Variants in TMTC1 observed in about 807,000 individuals in gnomAD.
TMTC1 encodes transmembrane O-mannosyltransferase targeting cadherins 1.
In TMTC1, 73 loss-of-function variants were observed where a neutral mutation model predicts 104.8. That is an observed-to-expected ratio of 0.70 (90% CI 0.58 to 0.85). The LOEUF (loss-of-function observed/expected upper bound fraction) is 0.85, where lower values mean the gene tolerates loss of function less well. TMTC1 is among the 40% of genes least tolerant of loss of function. The pLI, the probability that TMTC1 is intolerant of heterozygous loss-of-function variation, is 0.00. For missense variants in TMTC1, 1,035 were observed against 1,096.1 expected, an observed-to-expected ratio of 0.94 and a Z score of 0.79; for synonymous variants, 434 against 428.7, an observed-to-expected ratio of 1.01 and a Z score of -0.15.
At chr12:29,712,635 T>C (rs559217722) in intron 5 of TMTC1, among the ~76,000 whole-genome samples, 41 of 152,356 alleles carry the variant, frequency 2.7e-4, no homozygotes, top group African/African-American at 9.1e-4. Context: ...TCCAGGAGAA[T>C]AGAAGCTGAA....
At position 29,537,293 on chromosome 12, in the gene TMTC1, G is replaced by T. The variant is rs35725284; in HGVS notation, c.1677-976C>A. Among the ~76,000 whole-genome samples the T allele has an allele frequency of 9.6e-3, 1,459 of 152,210 alleles. 17 individuals are homozygous for T. Among genetic ancestry groups the T allele is most frequent in the South Asian group, 0.038 (182 of 4,822 alleles). On this transcript the variant is annotated intron_variant, in intron 10 of 17. Coordinates refer to ENST00000539277, the MANE Select transcript of TMTC1 (RefSeq NM_001193451.2). ...TGTGTTTTTACTATGCACTGATTTA[G>T]CAATGACTATGTGCCATATACCCTC...
intron 6 of TMTC1, among the ~76,000 whole-genome samples, chr12:29,630,335 A>ACAT (rs1938232645): frequency 6.6e-6 from 1 of 152,176 alleles, no homozygotes; most frequent in Admixed American, 6.6e-5. Flanking sequence ...GCAGCAGGAG[A>ACAT]CAGAATGAGT....
At chr12:29,670,889 C>T (rs1256985707) in intron 5 of TMTC1, among the ~76,000 whole-genome samples, 2 of 141,176 alleles carry the variant, frequency 1.4e-5, no homozygotes, top group East Asian at 2.1e-4. Flanking sequence ...TAGCTGAGAT[C>T]GTGCCACTGC....
At chr12:29,735,307 G>A (rs899064675) in intron 5 of TMTC1, among the ~76,000 whole-genome samples, 53 of 152,132 alleles carry the variant, frequency 3.5e-4, no homozygotes, top group African/African-American at 1.2e-3. Context: ...CTGATTTCCA[G>A]GTTCTCCATT....
intron 10 of TMTC1, among the ~76,000 whole-genome samples, chr12:29,547,476 T>C (rs1291460185): frequency 1.3e-5 from 2 of 152,236 alleles, no homozygotes; most frequent in East Asian, 3.8e-4. Flanking sequence ...TGCCAAATCT[T>C]GAGTAAGTAC....
chr12:29,695,425 G>GGAGT (rs1168591833), intron 5 of TMTC1, among the ~76,000 whole-genome samples: 1 of 152,034 alleles, frequency 6.6e-6, no homozygotes, highest in Admixed American at 6.6e-5. Context: ...TCCTGCCTCA[G>GGAGT]ACTCCTGAGT....
intron 9 of TMTC1, among the ~76,000 whole-genome samples, chr12:29,558,029 A>G (rs570416917): frequency 1.3e-5 from 2 of 152,306 alleles, no homozygotes; most frequent in African/African-American, 4.8e-5. Context: ...AGCAAATGTA[A>G]AAGAGGATGA....
At chr12:29,518,719 C>A in intron 12 of TMTC1, 112 bp from the exon 13 acceptor site, 1 of 1,304,192 alleles carries the variant, frequency 7.7e-7, no homozygotes, top group Non-Finnish European at 1.0e-6. Context: ...AGAGTTATAC[C>A]AAAATTATTC....
upstream of TMTC1, chr12:29,784,480 C>G (rs1943911829): frequency 6.6e-6 from 1 of 152,308 alleles, no homozygotes; most frequent in African/African-American, 2.4e-5. Flanking sequence ...CGCGGCGTCC[C>G]GCTTGGCGGA....
At chr12:29,530,631 C>T (rs993997367) in intron 11 of TMTC1, among the ~76,000 whole-genome samples, 10 of 152,162 alleles carry the variant, frequency 6.6e-5, no homozygotes, top group Admixed American at 6.5e-5. Context: ...TTAGGCAACC[C>T]GTTCAGCATA....
At chr12:29,733,513 A>C (rs1265294404) in intron 5 of TMTC1, among the ~76,000 whole-genome samples, 2 of 152,214 alleles carry the variant, frequency 1.3e-5, no homozygotes, top group African/African-American at 4.8e-5. Flanking sequence ...CTAACACCAA[A>C]GAGCTGACAG....
intron 5 of TMTC1, among the ~76,000 whole-genome samples, chr12:29,683,202 A>G (rs561572583): frequency 1.3e-5 from 2 of 152,304 alleles, no homozygotes; most frequent in South Asian, 4.1e-4. Flanking sequence ...CAAATGAATT[A>G]CCAGAACTCC....
intron 5 of TMTC1, among the ~76,000 whole-genome samples, chr12:29,655,365 AT>A (rs901783106): frequency 2.6e-5 from 4 of 152,052 alleles, no homozygotes; most frequent in South Asian, 2.1e-4. Context: ...ATCAGTAACA[AT>A]TTTTTTTCCA....
At chr12:29,661,151 G>T (rs1940004323) in intron 5 of TMTC1, among the ~76,000 whole-genome samples, 1 of 152,120 alleles carries the variant, frequency 6.6e-6, no homozygotes, top group Non-Finnish European at 1.5e-5. Flanking sequence ...TACCTCACAG[G>T]AAAGTTGGGA....
At chr12:29,541,413 C>T (rs1944793363) in intron 10 of TMTC1, among the ~76,000 whole-genome samples, 2 of 152,236 alleles carry the variant, frequency 1.3e-5, no homozygotes, top group Non-Finnish European at 2.9e-5. Flanking sequence ...CCATGCATCT[C>T]AGGCACTTGG....
At chr12:29,597,895 T>C (rs1488844301) in intron 7 of TMTC1, among the ~76,000 whole-genome samples, 1 of 152,166 alleles carries the variant, frequency 6.6e-6, no homozygotes, top group East Asian at 1.9e-4. Flanking sequence ...ACCAGAAATA[T>C]AGGAAAGATA....
intron 5 of TMTC1, among the ~76,000 whole-genome samples, chr12:29,716,871 C>T (rs892448763): frequency 8.6e-5 from 13 of 151,988 alleles, no homozygotes; most frequent in East Asian, 7.8e-4. Flanking sequence ...AAAACTTAGC[C>T]GGGTGTGGTG....
At chr12:29,516,546 T>C in intron 14 of TMTC1, 60 bp from the exon 15 acceptor site, 1 of 1,539,086 alleles carries the variant, frequency 6.5e-7, no homozygotes, top group African/African-American at 1.4e-5. Context: ...AAATAAAGCA[T>C]CCCTGAATAG....
intron 10 of TMTC1, among the ~76,000 whole-genome samples, chr12:29,544,193 G>T (rs1246213115): frequency 2.0e-5 from 3 of 149,412 alleles, no homozygotes; most frequent in Admixed American, 1.3e-4. Flanking sequence ...AGTGAGCTGA[G>T]ATCATGCCAC....
Sources: gnomAD v4.1 joint callset for allele counts (sites outside exome capture counted in the v4.1 genomes callset) on GRCh38, gnomAD v4.1.1 for gene constraint, MANE v1.5 for transcripts, NCBI Gene and HGNC (gene_info 2026-07-23, HGNC 2026-07-21) for gene names.